The following UMAD1 variants were observed in gnomAD, a reference collection of about 807,000 sequenced individuals.
The protein encoded by UMAD1 is UBAP1-MVB12-associated (UMA)-domain containing protein 1.
A neutral mutation model predicts 6.1 loss-of-function variants in UMAD1; 8 were observed. That is an observed-to-expected ratio of 1.30 (90% CI 0.76 to 2.35). The LOEUF (loss-of-function observed/expected upper bound fraction) is 2.35. UMAD1 is among the 30% of genes most tolerant of loss of function. UMAD1 has a pLI of 0.00. For synonymous variants in UMAD1, 56 were observed against 31.4 expected (o/e 1.78, Z -2.61); for missense variants, 130 against 78.4 (o/e 1.66, Z -2.49).
chr7:7,713,035 G>T (rs1780806673), intron 2 of UMAD1, among the ~76,000 whole-genome samples: 1 of 151,978 alleles, frequency 6.6e-6, no homozygotes, highest in African/African-American at 2.4e-5. Flanking sequence ...CTAGGTGATT[G>T]CTCATTCAAA....
intron 3 of UMAD1, among the ~76,000 whole-genome samples, chr7:7,826,136 T>C (rs12702664): frequency 0.014 from 2,111 of 152,234 alleles, 15 homozygotes; most frequent in African/African-American, 0.016. Flanking sequence ...TGACTGTATG[T>C]ACATGGATGA....
intron 2 of UMAD1, chr7:7,676,273 C>T (rs890556117): frequency 2.5e-6 from 1 of 397,544 alleles, no homozygotes; most frequent in African/African-American, 2.1e-5. Flanking sequence ...GGTACCTACC[C>T]CATGAAGTTA....
At chr7:7,825,907 G>T (rs1335596643) in intron 3 of UMAD1, among the ~76,000 whole-genome samples, 2 of 152,032 alleles carry the variant, frequency 1.3e-5, no homozygotes, top group Non-Finnish European at 2.9e-5. Context: ...GGTATAAAAT[G>T]GGCACAGTAT....
At chr7:7,732,616 C>T (rs943539320) in intron 2 of UMAD1, among the ~76,000 whole-genome samples, 7 of 152,168 alleles carry the variant, frequency 4.6e-5, no homozygotes, top group African/African-American at 1.4e-4. Flanking sequence ...TGATTTTCCA[C>T]CTCATTGAAA....
intron 3 of UMAD1, among the ~76,000 whole-genome samples, chr7:7,847,606 C>G (rs151069361): frequency 6.6e-6 from 1 of 152,186 alleles, no homozygotes; most frequent in African/African-American, 2.4e-5. Flanking sequence ...GTTACTCCCC[C>G]TTATAACACT....
At chr7:7,674,684 C>T (rs1298185335) in intron 2 of UMAD1, among the ~76,000 whole-genome samples, 1 of 152,162 alleles carries the variant, frequency 6.6e-6, no homozygotes, top group African/African-American at 2.4e-5. Flanking sequence ...TATGACCCTT[C>T]CTTCATAGTG....
intron 3 of UMAD1, among the ~76,000 whole-genome samples, chr7:7,841,693 G>A (rs1312965576): frequency 6.6e-6 from 1 of 152,188 alleles, no homozygotes; most frequent in Admixed American, 6.5e-5. Context: ...CATGCAAGCA[G>A]CTTAGAAAAG....
chr7:7,712,468 T>G (rs530622527), intron 2 of UMAD1, among the ~76,000 whole-genome samples: 2 of 152,320 alleles, frequency 1.3e-5, no homozygotes, highest in East Asian at 1.9e-4. Flanking sequence ...TGTTTTATTA[T>G]TATAGTAAAT....
chr7:7,761,896 G>C (rs56044403), intron 2 of UMAD1, among the ~76,000 whole-genome samples: 3 of 151,732 alleles, frequency 2.0e-5, no homozygotes, highest in Admixed American at 1.3e-4. Flanking sequence ...CTTCTTATCC[G>C]TCTCCTTTGC....
At chr7:7,870,991 T>C (rs1784321647) in intron 3 of UMAD1, among the ~76,000 whole-genome samples, 1 of 152,232 alleles carries the variant, frequency 6.6e-6, no homozygotes, top group African/African-American at 2.4e-5. Context: ...GTGGAAAGAA[T>C]ACTATAGTGC....
Position 7,810,395 on chromosome 7 carries a change from G to T in UMAD1, c.156+8652G>T, listed in dbSNP as rs1033641688. Reference sequence around the variant, plus strand: ...AAATAGTCTTTTAAATCCACAAGTTGTATGCTAAAAAAGATGGCATATTCA... The same window carrying T: ...AAATAGTCTTTTAAATCCACAAGTTTTATGCTAAAAAAGATGGCATATTCA... On this transcript the variant is annotated intron_variant, in intron 3 of 3. Coordinates refer to ENST00000682710, the MANE Select transcript of UMAD1 (RefSeq NM_001302348.2). Among the ~76,000 whole-genome samples, 3 of 151,966 alleles carry T rather than the reference G, an allele frequency of 2.0e-5. No individual in the cohort carries two copies. In the East Asian group the frequency reaches 5.8e-4, roughly 29 times the overall value.
intron 3 of UMAD1, among the ~76,000 whole-genome samples, chr7:7,863,032 A>G (rs942371860): frequency 4.6e-5 from 7 of 152,274 alleles, no homozygotes; most frequent in Non-Finnish European, 5.9e-5. Context: ...AAAAAAAGAA[A>G]TCAGCTTGGC....
intron 2 of UMAD1, among the ~76,000 whole-genome samples, chr7:7,783,040 T>C (rs548708075): frequency 6.6e-6 from 1 of 152,302 alleles, no homozygotes; most frequent in African/African-American, 2.4e-5. Flanking sequence ...ACCTAGTGTA[T>C]AATCTGTTAT....
chr7:7,738,215 A>C (rs1000079546), intron 2 of UMAD1, among the ~76,000 whole-genome samples: 16 of 152,350 alleles, frequency 1.1e-4, no homozygotes, highest in African/African-American at 3.8e-4. Context: ...GGAAGAATTT[A>C]GTATATTTTG....
intron 3 of UMAD1, among the ~76,000 whole-genome samples, chr7:7,822,740 G>T (rs1783264039): frequency 6.6e-6 from 1 of 152,058 alleles, no homozygotes; most frequent in Non-Finnish European, 1.5e-5. Context: ...TTCCTACCTT[G>T]CTTGGATTCC....
chr7:7,680,969 A>G (rs1483417474), intron 2 of UMAD1, among the ~76,000 whole-genome samples: 2 of 152,166 alleles, frequency 1.3e-5, no homozygotes, highest in Non-Finnish European at 2.9e-5. Context: ...CATGGTTAGC[A>G]TATATCCACA....
chr7:7,658,427 G>C (rs976906454), intron 1 of UMAD1, among the ~76,000 whole-genome samples: 1 of 152,206 alleles, frequency 6.6e-6, no homozygotes, highest in East Asian at 1.9e-4. Flanking sequence ...TGCCCATTCA[G>C]TATGATATTG....
intron 2 of UMAD1, among the ~76,000 whole-genome samples, chr7:7,726,400 C>T (rs1781138387): frequency 6.6e-6 from 1 of 152,220 alleles, no homozygotes; most frequent in Non-Finnish European, 1.5e-5. Flanking sequence ...CCCCATCATC[C>T]TGAAGTAGCT....
chr7:7,719,415 C>T (rs1050950890), intron 2 of UMAD1, among the ~76,000 whole-genome samples: 1 of 152,222 alleles, frequency 6.6e-6, no homozygotes, highest in Admixed American at 6.5e-5. Flanking sequence ...ATCTCTCTGG[C>T]AAGCCCACAT....
Sources: gnomAD v4.1 joint callset for allele counts (sites outside exome capture counted in the v4.1 genomes callset) on GRCh38, gnomAD v4.1.1 for gene constraint, MANE v1.5 for transcripts, NCBI Gene and HGNC (gene_info 2026-07-23, HGNC 2026-07-21) for gene names.